Variants in LMO7 observed in about 807,000 individuals in gnomAD.
The protein encoded by LMO7 is LIM domain only protein 7.
A neutral mutation model predicts 206.5 loss-of-function variants in LMO7; 120 were observed. That is an observed-to-expected ratio of 0.58 (90% confidence interval 0.50 to 0.68). The LOEUF (loss-of-function observed/expected upper bound fraction) is 0.68. LMO7 is among the 30% of genes least tolerant of loss of function. The pLI, the probability that LMO7 is intolerant of heterozygous loss-of-function variation, is 0.00. For missense variants in LMO7, 1,959 were observed against 1,957.9 expected (o/e 1.00, Z -0.01); for synonymous variants, 706 against 681.5 (o/e 1.04, Z -0.56).
chr13:75,737,060 G>T (rs1399564664), intron 3 of LMO7, among the ~76,000 whole-genome samples: 1 of 152,124 alleles, frequency 6.6e-6, no homozygotes, highest in African/African-American at 2.4e-5. Flanking sequence ...CTTAGAGTGT[G>T]ATCTTATTTG....
chr13:75,692,264 T>C (rs2041548982), intron 1 of LMO7, among the ~76,000 whole-genome samples: 1 of 152,238 alleles, frequency 6.6e-6, no homozygotes, highest in South Asian at 2.1e-4. Context: ...GCCCTAGTTC[T>C]GCAGATTGGG....
Position 75,859,092 on chromosome 13 carries a change from G to C in LMO7, c.*1149G>C, listed in dbSNP as rs996560298. 6.6e-6 allele frequency: 1 copy of C among 152,104 alleles called. No individual in the cohort carries two copies. The highest frequency in any genetic ancestry group is 1.5e-5 in the Non-Finnish European group (1 of 68,014). 9.4% of individuals were successfully genotyped at this position (152,104 alleles called of 1,614,324 possible). A position where few individuals can be genotyped will look rare whatever the true frequency, so the allele number is the denominator to read the frequency against. ...CTCTTGTTTAAAAAATCTGGAGCGGGAATGCAAGGATACAAAACTTTAGCA... is the reference window on the plus strand; with the variant it reads ...CTCTTGTTTAAAAAATCTGGAGCGGCAATGCAAGGATACAAAACTTTAGCA... On this transcript the variant is annotated 3_prime_UTR_variant, in exon 31 of 31. Coordinates refer to ENST00000377534, the MANE Select transcript of LMO7 (RefSeq NM_001306080.2).
intron 10 of LMO7, 49 bp downstream of exon 10, chr13:75,808,248 G>A (rs752555325): frequency 3.3e-6 from 5 of 1,523,134 alleles, no homozygotes; most frequent in East Asian, 2.3e-5. Flanking sequence ...ATGGTCTTGT[G>A]TAACTTTTCT....
At chr13:75,811,788 T>C (rs948434041) in intron 11 of LMO7, among the ~76,000 whole-genome samples, 4 of 152,218 alleles carry the variant, frequency 2.6e-5, no homozygotes, top group Non-Finnish European at 5.9e-5. Flanking sequence ...TCATGTGTTT[T>C]GGCAGAAGCA....
rs768623176 is a variant in LMO7, at chr13:75,823,742, C to T, written c.2818C>T (p.Pro940Ser). ...GACAAGGCTGCCCTCTCCTACATCC[C>T]CCTTCTCATCTCTTTCCCAAGACCA... is the stretch of plus-strand genomic sequence containing the variant. ...DVTRLPSPTS[P>S]FSSLSQDQAA... Residue 940 changes from proline (P) to serine (S), a missense_variant, in exon 15 of 31, where the codon CCC becomes TCC. Transcript: ENST00000377534. 4.3e-6 allele frequency: 7 copies of T among 1,614,106 alleles called. No homozygotes were observed. The highest frequency in any genetic ancestry group is 1.6e-4 in the Middle Eastern group (1 of 6,062).
At chr13:75,710,245 T>G (rs1325077015) in intron 1 of LMO7, among the ~76,000 whole-genome samples, 3 of 152,224 alleles carry the variant, frequency 2.0e-5, no homozygotes, top group African/African-American at 7.2e-5. Context: ...TACCTCCAGC[T>G]TTTTTCTTTT....
At chr13:75,815,381 T>C (rs1269267036) in intron 11 of LMO7, among the ~76,000 whole-genome samples, 1 of 152,054 alleles carries the variant, frequency 6.6e-6, no homozygotes, top group Non-Finnish European at 1.5e-5. Flanking sequence ...TTATGGTATA[T>C]GAGAGAAAGA....
chr13:75,642,230 C>T (rs2036605653), intron 1 of LMO7, among the ~76,000 whole-genome samples: 1 of 152,100 alleles, frequency 6.6e-6, no homozygotes, highest in Non-Finnish European at 1.5e-5. Context: ...TGGATTCTTC[C>T]AACGTACTGA....
chr13:75,786,116 C>T (rs891988714), intron 4 of LMO7, among the ~76,000 whole-genome samples: 1 of 152,156 alleles, frequency 6.6e-6, no homozygotes, highest in African/African-American at 2.4e-5. Context: ...TCTGCTCCAC[C>T]TCTCGATAGT....
chr13:75,623,122 T>C (rs1271842142), intron 1 of LMO7: 1 of 486,458 alleles, frequency 2.1e-6, no homozygotes, highest in Non-Finnish European at 3.7e-6. Flanking sequence ...GGGACCAGCA[T>C]TTATTTATTT....
chr13:75,807,499 G>A lies in LMO7; in HGVS notation c.1216G>A (p.Ala406Thr). The change falls in exon 10 of 31, where the codon GCC becomes ACC. Residue 406 changes from alanine (A) to threonine (T), a missense_variant. Transcript: ENST00000377534. ...CATCAGTCAGTTTTTACTGCTTCAG[G>A]CCCTCCAAACATACTCTGATGACAT... is the stretch of plus-strand genomic sequence containing the variant. ...QGFSQFLLLQALQTYSDDILS... is the reference protein window; with the variant it reads ...QGFSQFLLLQTLQTYSDDILS... 1 of 1,613,242 alleles carries A rather than the reference G, an allele frequency of 6.2e-7. No homozygotes were observed. Among genetic ancestry groups the A allele is most frequent in the Non-Finnish European group, 8.5e-7 (1 of 1,179,796 alleles).
At chr13:75,816,699 T>G (rs1010203468) in intron 11 of LMO7, 1 of 153,370 alleles carries the variant, frequency 6.5e-6, no homozygotes, top group African/African-American at 2.4e-5. Flanking sequence ...TTCATGGTAT[T>G]GAACTTGAGA....
At chr13:75,802,834 T>C (rs1388143251) in intron 7 of LMO7, among the ~76,000 whole-genome samples, 1 of 152,190 alleles carries the variant, frequency 6.6e-6, no homozygotes, top group Non-Finnish European at 1.5e-5. Context: ...CCTAAATTGA[T>C]GAGCACTATA....
At chr13:75,677,406 C>A (rs1360684730) in intron 1 of LMO7, among the ~76,000 whole-genome samples, 1 of 152,144 alleles carries the variant, frequency 6.6e-6, no homozygotes, top group African/African-American at 2.4e-5. Context: ...AAATTAATTT[C>A]TTCAACAGAT....
At chr13:75,724,522 G>T (rs953315118) in intron 2 of LMO7, among the ~76,000 whole-genome samples, 2 of 152,168 alleles carry the variant, frequency 1.3e-5, no homozygotes, top group African/African-American at 4.8e-5. Flanking sequence ...AATTCCATAT[G>T]TGTGATTGAA....
At chr13:75,785,652 T>C (rs1429294232) in intron 4 of LMO7, among the ~76,000 whole-genome samples, 4 of 152,188 alleles carry the variant, frequency 2.6e-5, no homozygotes, top group East Asian at 3.8e-4. Flanking sequence ...TTCAATTTGC[T>C]AGTATGTGTA....
intron 1 of LMO7, among the ~76,000 whole-genome samples, chr13:75,681,032 G>C (rs1310789236): frequency 6.6e-6 from 1 of 150,942 alleles, no homozygotes; most frequent in Non-Finnish European, 1.5e-5. Context: ...TTGTAAATTT[G>C]TTTAAATTCC....
At chr13:75,763,072 A>C (rs1199027474) in intron 4 of LMO7, among the ~76,000 whole-genome samples, 1 of 152,146 alleles carries the variant, frequency 6.6e-6, no homozygotes, top group Non-Finnish European at 1.5e-5. Flanking sequence ...TTGGGTCAAA[A>C]TTCTTGTCCT....
Position 75,737,786 on chromosome 13 carries a change from A to ATT in LMO7, c.210+10688_210+10689insTT, listed in dbSNP as rs1555305751. Among the ~76,000 whole-genome samples the ATT allele has an allele frequency of 8.2e-4, 69 of 83,842 alleles. 5 individuals carry two copies. In the South Asian group the frequency reaches 0.021, roughly 25 times the overall value. 55.0% of individuals were successfully genotyped at this position (83,842 alleles called of 152,430 possible). A position where few individuals can be genotyped will look rare whatever the true frequency, so the allele number is the denominator to read the frequency against. ...AAAAAATAAAATAAAATAAAATAAAAAAAAAAAAAAAAAAACTTTTTACTT... is the reference window on the plus strand; with the variant it reads ...AAAAAATAAAATAAAATAAAATAAAATTAAAAAAAAAAAAAAACTTTTTACTT... On this transcript the variant is annotated intron_variant, in intron 3 of 30. Coordinates refer to ENST00000377534, the MANE Select transcript of LMO7 (RefSeq NM_001306080.2).
Sources: allele counts gnomAD v4.1 joint callset (sites outside exome capture counted in the v4.1 genomes callset), GRCh38; gene constraint gnomAD v4.1.1; transcripts MANE v1.5; gene names NCBI Gene and HGNC (gene_info 2026-07-23, HGNC 2026-07-21).